The following FKBP11 variants were observed in gnomAD, a reference collection of about 807,000 sequenced individuals.
FKBP11 encodes FKBP prolyl isomerase 11, also known as peptidyl-prolyl cis-trans isomerase FKBP11.
FKBP11 carries 21 observed loss-of-function variants against 24.7 expected under a neutral mutation model. The ratio of observed to expected loss-of-function variants is 0.85; its 90% CI spans 0.60 to 1.23. FKBP11 has a LOEUF of 1.23. Ranked by LOEUF, FKBP11 falls within the 50% of genes most tolerant of loss-of-function variation. The pLI is 0.00. For synonymous variants in FKBP11, 106 were observed against 100.6 expected (o/e 1.05, Z -0.32); for missense variants, 245 against 248.7 (o/e 0.99, Z 0.10).
intron 5 of FKBP11, chr12:48,923,518 C>T: frequency 6.4e-7 from 1 of 1,551,026 alleles, no homozygotes; most frequent in African/African-American, 1.4e-5. Context: ...GGCAGCAGAC[C>T]CATGTGGCCC....
In FKBP11 at chr12:48,922,220, G is replaced by T. The variant is rs757379853; in HGVS notation, c.389-19C>A. On this transcript the variant is annotated intron_variant, in intron 5 of 5. Coordinates refer to ENST00000550765, the MANE Select transcript of FKBP11 (RefSeq NM_016594.3). ...GCATCCGCTGGAGAGGCAGAGGGGT[G>T]GAGAGGGTTAGACTCTCTGCATTTT... 3.6e-5 allele frequency: 58 copies of T among 1,603,812 alleles called. No homozygotes were observed. Among genetic ancestry groups the T allele is most frequent in the Non-Finnish European group, 4.8e-5 (56 of 1,172,386 alleles).
the FKBP11 span, chr12:48,938,583 C>T: frequency 0.35 from 158,905 of 456,062 alleles, 30,441 homozygotes; most frequent in Admixed American, 0.51. Context: ...CTTGTGGGGA[C>T]AGGGAAAGGA....
the FKBP11 span, chr12:48,931,926 C>T: frequency 1.3e-5 from 2 of 154,968 alleles, no homozygotes; most frequent in African/African-American, 4.8e-5. Context: ...TCACTGCAGC[C>T]TCAATCTCTC....
chr12:48,933,782 G>C, the FKBP11 span, among the ~76,000 whole-genome samples: 1 of 151,516 alleles, frequency 6.6e-6, no homozygotes, highest in Non-Finnish European at 1.5e-5. Context: ...CACAAGAATC[G>C]CTTGAACCTG....
At chr12:48,931,473 G>A, upstream of FKBP11, 2 of 1,535,826 alleles carry the variant, frequency 1.3e-6, no homozygotes, top group Non-Finnish European at 1.7e-6. Flanking sequence ...CTTGGATCAA[G>A]TTAGAAGAAA....
At chr12:48,932,185 A>ATATAT in the FKBP11 span, among the ~76,000 whole-genome samples, 20 of 130,050 alleles carry the variant, frequency 1.5e-4, no homozygotes, top group Non-Finnish European at 3.1e-4. Flanking sequence ...ATATATATAT[A>ATATAT]ATATAAACAT....
At chr12:48,923,578 GT>G (rs1305081485) in intron 5 of FKBP11, 1 of 1,551,728 alleles carries the variant, frequency 6.4e-7, no homozygotes, top group Non-Finnish European at 8.7e-7. Flanking sequence ...GTCATGCCAG[GT>G]GGCCTCATCA....
chr12:48,931,441 G>C, upstream of FKBP11: 1 of 1,536,020 alleles, frequency 6.5e-7, no homozygotes, highest in Non-Finnish European at 8.7e-7. Context: ...CACCCTGGAG[G>C]GACCAGAGAA....
At chr12:48,924,499 C>G (rs575568291) in intron 3 of FKBP11, 62 bp downstream of exon 3, 9 of 1,493,648 alleles carry the variant, frequency 6.0e-6, no homozygotes, top group Middle Eastern at 1.7e-4. Context: ...GCTTTGGAGC[C>G]GAAGAGGCTA....
At chr12:48,938,309 G>A in the FKBP11 span, 156,944 of 446,090 alleles carry the variant, frequency 0.35, 30,267 homozygotes, top group Admixed American at 0.52. Context: ...GGGGCAGTCC[G>A]GCTTGACTAA....
the FKBP11 span, among the ~76,000 whole-genome samples, chr12:48,935,018 C>CA: frequency 0.15 from 12,754 of 87,380 alleles, 1,393 homozygotes; most frequent in African/African-American, 0.35. Flanking sequence ...AATTCCGTCT[C>CA]AAAAAAAAAA....
the FKBP11 span, chr12:48,938,668 T>TGAGA: frequency 9.5e-6 from 4 of 422,078 alleles, no homozygotes; most frequent in East Asian, 2.1e-4. Context: ...ACCCAGAGGG[T>TGAGA]GAGAGAGAGA....
upstream of FKBP11, among the ~76,000 whole-genome samples, chr12:48,928,754 C>T (rs1484161569): frequency 1.3e-5 from 2 of 151,168 alleles, no homozygotes; most frequent in Non-Finnish European, 2.9e-5. Context: ...GCTGGGATCA[C>T]AGGTGTAAGC....
chr12:48,932,128 T>C, the FKBP11 span, among the ~76,000 whole-genome samples: 1 of 146,958 alleles, frequency 6.8e-6, no homozygotes, highest in Admixed American at 6.9e-5. Context: ...TTGGGCAACA[T>C]AGTGAAATCC....
the FKBP11 span, among the ~76,000 whole-genome samples, chr12:48,933,312 C>G: frequency 6.6e-6 from 1 of 152,184 alleles, no homozygotes; most frequent in African/African-American, 2.4e-5. Flanking sequence ...TATCACTCCC[C>G]AGTGACCAGC....
At chr12:48,931,627 C>A in the FKBP11 span, 2 of 662,092 alleles carry the variant, frequency 3.0e-6, no homozygotes, top group East Asian at 2.8e-5. Context: ...GTAGGAGAAA[C>A]CCTACCACAG....
the FKBP11 span, among the ~76,000 whole-genome samples, chr12:48,933,837 G>A: frequency 5.3e-5 from 8 of 152,002 alleles, no homozygotes; most frequent in South Asian, 2.1e-4. Context: ...ACTGCATTCC[G>A]GCCTGGGTGA....
Position 48,924,583 on chromosome 12 carries a change from A to C in FKBP11, c.261T>G (p.Leu87=), listed in dbSNP as rs1939911183. The C allele has an allele frequency of 2.5e-6, 4 of 1,614,080 alleles. No homozygotes were observed. Among genetic ancestry groups the C allele is most frequent in the Non-Finnish European group, 3.4e-6 (4 of 1,179,992 alleles). ...SLTRDPLVIE[L]GQKQVIPGLE... ...TACCTGGAATCACCTGCTTTTGGCC[A>C]AGTTCTATAACCAGAGGGTCTCTGG... The change falls in exon 3 of 6, where the codon CTT becomes CTG. Residue 87 remains leucine (L), a synonymous_variant. Transcript: ENST00000550765.
chr12:48,925,468 C>T lies in FKBP11; in HGVS notation c.-40G>A, dbSNP rs867465733. 7.2e-6 allele frequency: 11 copies of T among 1,533,770 alleles called. No homozygotes were observed. In the African/African-American group the frequency reaches 9.6e-5, roughly 13 times the overall value. On this transcript the variant is annotated 5_prime_UTR_variant, in exon 1 of 6. Coordinates refer to ENST00000550765, the MANE Select transcript of FKBP11 (RefSeq NM_016594.3). ...CAGGGAGCCGGGGCACCAGGACAGG[C>T]TGTTCGGGTGGCGGCAGCCAGGACA...
Sources: allele counts gnomAD v4.1 joint callset (sites outside exome capture counted in the v4.1 genomes callset), GRCh38; gene constraint gnomAD v4.1.1; transcripts MANE v1.5; gene names NCBI Gene and HGNC (gene_info 2026-07-23, HGNC 2026-07-21).